BICC1: variants seen among roughly 807,000 people sequenced by gnomAD.
BICC1 encodes the protein BicC family RNA binding protein 1.
Under a neutral mutation model 111.0 loss-of-function variants are expected in BICC1, and 43 were observed. The ratio of observed to expected loss-of-function variants is 0.39; its 90% CI spans 0.30 to 0.50. The LOEUF (loss-of-function observed/expected upper bound fraction) is 0.50. Ranked by LOEUF, BICC1 falls within the 20% of genes least tolerant of loss-of-function variation. The pLI is 0.88. For missense variants in BICC1, 1,091 were observed against 1,203.2 expected, an observed-to-expected ratio of 0.91 and a Z score of 1.38; for synonymous variants, 467 against 434.4, an observed-to-expected ratio of 1.07 and a Z score of -0.93.
chr10:58,643,975 A>G (rs993496128), intron 2 of BICC1, among the ~76,000 whole-genome samples: 2 of 152,212 alleles, frequency 1.3e-5, no homozygotes, highest in Non-Finnish European at 2.9e-5. Flanking sequence ...ATAGGAAATA[A>G]TATAGTTTGC....
intron 3 of BICC1, among the ~76,000 whole-genome samples, chr10:58,739,660 TTTG>T (rs1477537447): frequency 6.6e-6 from 1 of 152,192 alleles, no homozygotes; most frequent in Non-Finnish European, 1.5e-5. Context: ...ACTGAACACT[TTTG>T]TTGTTAGAAC....
chr10:58,685,689 C>A (rs1839699340), intron 2 of BICC1, among the ~76,000 whole-genome samples: 1 of 152,140 alleles, frequency 6.6e-6, no homozygotes, highest in South Asian at 2.1e-4. Context: ...AAGATTGCAA[C>A]CCCTGCTTTT....
intron 3 of BICC1, among the ~76,000 whole-genome samples, chr10:58,712,636 A>C (rs892262766): frequency 6.6e-6 from 1 of 152,248 alleles, no homozygotes; most frequent in Admixed American, 6.5e-5. Context: ...TTTCAACTCT[A>C]TGTCATTGTA....
intron 1 of BICC1, among the ~76,000 whole-genome samples, chr10:58,548,687 A>G (rs1843206046): frequency 6.6e-6 from 1 of 152,144 alleles, no homozygotes; most frequent in African/African-American, 2.4e-5. Context: ...CTGTCACTGT[A>G]GTTTTGCCTT....
At chr10:58,706,032 C>T (rs965421680) in intron 3 of BICC1, among the ~76,000 whole-genome samples, 1 of 152,142 alleles carries the variant, frequency 6.6e-6, no homozygotes, top group African/African-American at 2.4e-5. Flanking sequence ...TTCTGTATCA[C>T]GTAAATTTAT....
intron 3 of BICC1, among the ~76,000 whole-genome samples, chr10:58,740,041 G>A (rs1334387982): frequency 1.3e-5 from 2 of 152,136 alleles, no homozygotes; most frequent in African/African-American, 2.4e-5. Context: ...ATGATGTCTA[G>A]CTGGGTTTAC....
chr10:58,689,000 C>T (rs1839835604), intron 2 of BICC1, among the ~76,000 whole-genome samples: 1 of 152,104 alleles, frequency 6.6e-6, no homozygotes. Context: ...GCACATTCTG[C>T]ACATGTATCC....
In BICC1 at chr10:58,513,075, C is replaced by G; in HGVS notation, c.-69C>G. ...GCGCTGGGAGCCAGTTGAGCCCGGC[C>G]GGCGAGCGGAGGCGGCAGCGCAGGC... On this transcript the variant is annotated 5_prime_UTR_variant, in exon 1 of 21. Transcript: ENST00000373886. 2 of 1,224,106 alleles carry G rather than the reference C, an allele frequency of 1.6e-6. No homozygotes were observed. The highest frequency in any genetic ancestry group is 4.4e-5 in the Admixed American group (1 of 22,988). 75.8% of individuals were successfully genotyped at this position (1,224,106 alleles called of 1,614,324 possible).
At chr10:58,657,366 A>G (rs1838692134) in intron 2 of BICC1, among the ~76,000 whole-genome samples, 1 of 152,006 alleles carries the variant, frequency 6.6e-6, no homozygotes, top group South Asian at 2.1e-4. Flanking sequence ...AAAGGTAAGG[A>G]TTGCTGTTTT....
At chr10:58,542,313 A>G (rs1843012891) in intron 1 of BICC1, among the ~76,000 whole-genome samples, 1 of 152,012 alleles carries the variant, frequency 6.6e-6, no homozygotes, top group South Asian at 2.1e-4. Context: ...ATGATGTTGG[A>G]AAAACTGGAT....
intron 20 of BICC1, among the ~76,000 whole-genome samples, chr10:58,828,222 T>C (rs1844456473): frequency 6.6e-6 from 1 of 152,192 alleles, no homozygotes; most frequent in South Asian, 2.1e-4. Flanking sequence ...TCAGCTGTTC[T>C]TCAGGGTGCT....
intron 2 of BICC1, among the ~76,000 whole-genome samples, chr10:58,672,612 T>C (rs544389509): frequency 6.6e-6 from 1 of 152,306 alleles, no homozygotes; most frequent in Admixed American, 6.5e-5. Flanking sequence ...CAAGTGGTGT[T>C]TGACAGTTTG....
At chr10:58,570,771 G>C (rs7921371) in intron 1 of BICC1, among the ~76,000 whole-genome samples, 73,970 of 151,910 alleles carry the variant, frequency 0.49, 18,253 homozygotes, top group South Asian at 0.55. Flanking sequence ...AACCAGAACT[G>C]TGTATTTCCG....
At chr10:58,652,603 T>G (rs926513565) in intron 2 of BICC1, among the ~76,000 whole-genome samples, 3 of 152,170 alleles carry the variant, frequency 2.0e-5, no homozygotes, top group African/African-American at 7.2e-5. Context: ...TACATCATTA[T>G]CCACGTAACA....
At position 58,701,917 on chromosome 10, in the gene BICC1, C is replaced by T. The variant is rs75878915; in HGVS notation, c.238-157C>T. Among the ~76,000 whole-genome samples, 20 of 152,020 alleles carry T rather than the reference C, an allele frequency of 1.3e-4. No homozygotes were observed. In the East Asian group the frequency reaches 3.1e-3, roughly 23 times the overall value. ...GCTTATAAAAACATCTCTTTTCCCC[C>T]CAGGGTTTTTTTTTTCTTTGCATTG... On this transcript the variant is annotated intron_variant, in intron 2 of 20. Transcript: ENST00000373886.
At chr10:58,714,640 C>T (rs1007925871) in intron 3 of BICC1, among the ~76,000 whole-genome samples, 4 of 151,944 alleles carry the variant, frequency 2.6e-5, no homozygotes, top group African/African-American at 7.3e-5. Context: ...TTTTGAACAC[C>T]ACAATGGTGC....
In BICC1 at chr10:58,822,016, A is replaced by T. The variant is rs192898863; in HGVS notation, c.2794+1548A>T. On this transcript the variant is annotated intron_variant, in intron 20 of 20. Coordinates refer to ENST00000373886, the MANE Select transcript of BICC1 (RefSeq NM_001080512.3). The stretch of plus-strand genomic sequence containing the variant: ...CATCTATGATAATAGAGTAATTTTT[A>T]AAATTTGTTTTCTGTAAAGCTCATC... Among the ~76,000 whole-genome samples the T allele has an allele frequency of 1.8e-4, 28 of 152,212 alleles. No individual in the cohort carries two copies. The East Asian group carries it at 5.4e-3, about 29-fold the overall frequency.
intron 3 of BICC1, among the ~76,000 whole-genome samples, chr10:58,713,073 T>C (rs1218463108): frequency 2.0e-5 from 3 of 152,226 alleles, no homozygotes; most frequent in Non-Finnish European, 4.4e-5. Flanking sequence ...AAAAGCACCA[T>C]GAAATCTCTT....
intron 1 of BICC1, among the ~76,000 whole-genome samples, chr10:58,543,817 T>A (rs1564480013): frequency 1.6e-5 from 2 of 128,466 alleles, no homozygotes; most frequent in Non-Finnish European, 3.2e-5. Context: ...CCTATGTTTT[T>A]TTTTTTAACC....
Sources: allele counts gnomAD v4.1 joint callset (sites outside exome capture counted in the v4.1 genomes callset), GRCh38; gene constraint gnomAD v4.1.1; transcripts MANE v1.5; gene names NCBI Gene and HGNC (gene_info 2026-07-23, HGNC 2026-07-21).